PDGFC: variants seen among roughly 807,000 people sequenced by gnomAD.
The protein encoded by PDGFC is platelet-derived growth factor C.
A neutral mutation model predicts 35.5 loss-of-function variants in PDGFC; 12 were observed. The ratio of observed to expected loss-of-function variants is 0.34; its 90% CI spans 0.22 to 0.55. The LOEUF (loss-of-function observed/expected upper bound fraction) is 0.55. Ranked by LOEUF, PDGFC falls within the 20% of genes least tolerant of loss-of-function variation. The pLI is 0.91. For missense variants in PDGFC, 322 were observed against 412.4 expected, an observed-to-expected ratio of 0.78 and a Z score of 1.90; for synonymous variants, 159 against 148.8, an observed-to-expected ratio of 1.07 and a Z score of -0.50.
At chr4:156,870,739 A>T (rs1729962109) in intron 1 of PDGFC, among the ~76,000 whole-genome samples, 1 of 152,152 alleles carries the variant, frequency 6.6e-6, no homozygotes, top group Non-Finnish European at 1.5e-5. Context: ...TCCTTTTAAC[A>T]CACAGTTATT....
At chr4:156,800,293 T>C (rs1400010337) in intron 3 of PDGFC, among the ~76,000 whole-genome samples, 2 of 152,168 alleles carry the variant, frequency 1.3e-5, no homozygotes, top group Non-Finnish European at 2.9e-5. Context: ...TTAAAATATA[T>C]GAGCCTTTCA....
intron 3 of PDGFC, among the ~76,000 whole-genome samples, chr4:156,789,792 C>G (rs995750843): frequency 6.6e-6 from 1 of 151,922 alleles, no homozygotes; most frequent in Admixed American, 6.6e-5. Context: ...CTGGCTAACA[C>G]GGTGAAACCA....
intron 3 of PDGFC, among the ~76,000 whole-genome samples, chr4:156,805,458 T>C (rs1319314226): frequency 6.6e-6 from 1 of 152,062 alleles, no homozygotes; most frequent in Non-Finnish European, 1.5e-5. Flanking sequence ...GGTTTAACAA[T>C]AGGGGAATGC....
chr4:156,900,581 C>T (rs1730743109), intron 1 of PDGFC, among the ~76,000 whole-genome samples: 1 of 152,120 alleles, frequency 6.6e-6, no homozygotes, highest in African/African-American at 2.4e-5. Flanking sequence ...TGGCTCACAC[C>T]TGTAATCCCA....
intron 2 of PDGFC, among the ~76,000 whole-genome samples, chr4:156,847,363 T>C (rs1429468213): frequency 2.0e-5 from 3 of 151,758 alleles, no homozygotes; most frequent in African/African-American, 4.8e-5. Flanking sequence ...CCAAAACTTA[T>C]AATCTCAGTG....
intron 5 of PDGFC, among the ~76,000 whole-genome samples, chr4:156,766,249 A>G (rs1319145768): frequency 2.0e-5 from 3 of 152,150 alleles, no homozygotes; most frequent in Non-Finnish European, 2.9e-5. Flanking sequence ...CAGCATTTCA[A>G]TGAAGATACA....
intron 1 of PDGFC, among the ~76,000 whole-genome samples, chr4:156,906,250 A>C (rs1007046579): frequency 6.6e-6 from 1 of 152,150 alleles, no homozygotes; most frequent in Admixed American, 6.5e-5. Context: ...TAATGTCATA[A>C]ATTTTGAATA....
intron 3 of PDGFC, among the ~76,000 whole-genome samples, chr4:156,807,028 T>C (rs1414053337): frequency 1.3e-5 from 2 of 151,730 alleles, no homozygotes; most frequent in Non-Finnish European, 2.9e-5. Context: ...TTTTTTTTTT[T>C]CTCTTTTAGC....
At chr4:156,921,691 A>C (rs1385718722) in intron 1 of PDGFC, among the ~76,000 whole-genome samples, 1 of 152,188 alleles carries the variant, frequency 6.6e-6, no homozygotes, top group Admixed American at 6.5e-5. Flanking sequence ...ATCATGGTCT[A>C]TTAGAACTGG....
chr4:156,887,325 C>T (rs549343232), intron 1 of PDGFC, among the ~76,000 whole-genome samples: 4 of 152,044 alleles, frequency 2.6e-5, no homozygotes, highest in Non-Finnish European at 5.9e-5. Flanking sequence ...TGTTTAGTAA[C>T]AAGGCAGAAA....
At chr4:156,890,225 A>T (rs186737618) in intron 1 of PDGFC, among the ~76,000 whole-genome samples, 4 of 151,970 alleles carry the variant, frequency 2.6e-5, no homozygotes, top group African/African-American at 9.7e-5. Flanking sequence ...TGTAATCAGA[A>T]AGGAAGAGAT....
chr4:156,860,988 T>C (rs563730194), intron 1 of PDGFC, among the ~76,000 whole-genome samples: 68 of 152,164 alleles, frequency 4.5e-4, no homozygotes, highest in Middle Eastern at 3.4e-3. Flanking sequence ...AAACAGACAA[T>C]GAAAAAATAT....
At chr4:156,763,356 C>G (rs1578993430) in intron 5 of PDGFC, 150 bp from the exon 6 acceptor site, 1 of 382,056 alleles carries the variant, frequency 2.6e-6, no homozygotes, top group Middle Eastern at 6.4e-4. Context: ...TGAAAACACT[C>G]TCCCACCAAA....
chr4:156,861,188 G>T (rs1284496218), intron 1 of PDGFC, among the ~76,000 whole-genome samples: 1 of 151,968 alleles, frequency 6.6e-6, no homozygotes, highest in African/African-American at 2.4e-5. Context: ...AGAGGGCATT[G>T]GAATGACTAC....
chr4:156,889,070 A>G (rs1730443146), intron 1 of PDGFC, among the ~76,000 whole-genome samples: 1 of 152,202 alleles, frequency 6.6e-6, no homozygotes, highest in Non-Finnish European at 1.5e-5. Flanking sequence ...GAATTCAGAC[A>G]CCATTATTCT....
rs1729583041 is a variant in PDGFC at position 156,856,433 on chromosome 4, T to C, written c.119-6017A>G. Among the ~76,000 whole-genome samples the C allele has an allele frequency of 2.0e-5, 3 of 152,138 alleles. 1 individual carries two copies. The South Asian group carries it at 6.2e-4, about 32-fold the overall frequency. Reference sequence around the variant, plus strand: ...CTTCATGCGATAACCTCTAGGGTTGTAATTTGGTTTCATTCCTGGACCAGC... The same window carrying C: ...CTTCATGCGATAACCTCTAGGGTTGCAATTTGGTTTCATTCCTGGACCAGC... On this transcript the variant is annotated intron_variant, in intron 1 of 5. Transcript: ENST00000502773.
At chr4:156,810,683 C>A (rs1579023886) in intron 3 of PDGFC, among the ~76,000 whole-genome samples, 154 bp downstream of exon 3, 2 of 151,884 alleles carry the variant, frequency 1.3e-5, no homozygotes, top group African/African-American at 4.8e-5. Flanking sequence ...GAATTGCTGG[C>A]TTGGCATGTA....
At chr4:156,918,433 AC>A (rs1731199025) in intron 1 of PDGFC, among the ~76,000 whole-genome samples, 2 of 152,208 alleles carry the variant, frequency 1.3e-5, no homozygotes, top group South Asian at 4.1e-4. Context: ...ATAGCCATAG[AC>A]GATGTCCCTT....
chr4:156,970,683 A>G (rs1338113717), intron 1 of PDGFC, 103 bp downstream of exon 1: 3 of 745,146 alleles, frequency 4.0e-6, no homozygotes, highest in Non-Finnish European at 7.3e-6. Context: ...TGAGAGACCA[A>G]AGATACCTTC....
Sources: allele counts gnomAD v4.1 joint callset (sites outside exome capture counted in the v4.1 genomes callset), GRCh38; gene constraint gnomAD v4.1.1; transcripts MANE v1.5; gene names NCBI Gene and HGNC (gene_info 2026-07-23, HGNC 2026-07-21).